Variants in NME8 observed in about 807,000 individuals in gnomAD.
NME8 encodes the protein protein NME8.
A neutral mutation model predicts 82.3 loss-of-function variants in NME8; 72 were observed. The observed-to-expected ratio is 0.87, with a 90% CI of 0.72 to 1.06. The LOEUF (loss-of-function observed/expected upper bound fraction) is 1.06. Ranked by LOEUF, NME8 falls within the 50% of genes least tolerant of loss-of-function variation. NME8 has a pLI of 0.00. For synonymous variants in NME8, 267 were observed against 228.5 expected (o/e 1.17, Z -1.52); for missense variants, 712 against 685.4 (o/e 1.04, Z -0.43).
chr7:37,882,551 GAA>G (rs1468494575), intron 12 of NME8, among the ~76,000 whole-genome samples: 3 of 43,802 alleles, frequency 6.8e-5, no homozygotes, highest in Non-Finnish European at 1.4e-4. Flanking sequence ...GGAAGGGAAA[GAA>G]AGAAAGAAAG....
chr7:37,849,376 TA>T (rs950172778), intron 2 of NME8, among the ~76,000 whole-genome samples: 1 of 152,038 alleles, frequency 6.6e-6, no homozygotes, highest in Non-Finnish European at 1.5e-5. Context: ...ACAAAACCTT[TA>T]AAAAAACCAG....
intron 13 of NME8, 55 bp from the exon 14 acceptor site, chr7:37,885,090 A>C: frequency 9.5e-7 from 1 of 1,054,436 alleles, no homozygotes; most frequent in Non-Finnish European, 1.5e-6. Flanking sequence ...CCTATACATA[A>C]TTAGCTACTG....
In NME8 at chr7:37,885,168, T is replaced by C; in HGVS notation, c.1163T>C (p.Leu388Ser). The stretch of plus-strand genomic sequence containing the variant: ...AGTGGTCCATCTCTAGCCCTTGTTT[T>C]ATTGAGAGACAATGGCTTGCAATAC... ...MTSGPSLALV[L>S]LRDNGLQYWK... Residue 388 changes from leucine to serine, a missense_variant, in exon 14 of 18, where the codon TTA becomes TCA. Physicochemically the swap from Leu to Ser is moderately radical, Grantham distance 145. Coordinates refer to ENST00000199447, the MANE Select transcript of NME8 (RefSeq NM_016616.5). The C allele has an allele frequency of 6.2e-7, 1 of 1,612,578 alleles. No individual in the cohort carries two copies. Among genetic ancestry groups the C allele is most frequent in the Non-Finnish European group, 8.5e-7 (1 of 1,178,696 alleles).
intron 12 of NME8, among the ~76,000 whole-genome samples, chr7:37,878,739 T>C (rs77376998): frequency 0.016 from 2,486 of 152,308 alleles, 69 homozygotes; most frequent in African/African-American, 0.057. Flanking sequence ...ATTAAACCAT[T>C]GTAGACTTCG....
intron 5 of NME8, among the ~76,000 whole-genome samples, chr7:37,851,695 G>T (rs1784440952): frequency 1.3e-5 from 2 of 151,886 alleles, no homozygotes; most frequent in African/African-American, 4.8e-5. Context: ...CCCTACTGGA[G>T]AATTTATATG....
intron 11 of NME8, among the ~76,000 whole-genome samples, chr7:37,875,316 A>C (rs1425707351): frequency 6.6e-6 from 1 of 152,246 alleles, no homozygotes; most frequent in Admixed American, 6.5e-5. Context: ...TGAGGTAATA[A>C]TTTTGTATTA....
intron 1 of NME8, 26 bp from the exon 2 acceptor site, chr7:37,848,798 A>G (rs971680816): frequency 2.0e-5 from 3 of 152,286 alleles, no homozygotes; most frequent in Middle Eastern, 3.2e-3. Context: ...GGTTGGACAA[A>G]ACATTGCCCC....
chr7:37,855,951 C>A (rs573239834), intron 5 of NME8, among the ~76,000 whole-genome samples: 1 of 152,170 alleles, frequency 6.6e-6, no homozygotes, highest in African/African-American at 2.4e-5. Context: ...AAAAAAAACC[C>A]AATTACTCTT....
chr7:37,896,833 A>T (rs1392348561), intron 16 of NME8, 37 bp from the exon 17 acceptor site: 20 of 1,570,406 alleles, frequency 1.3e-5, no homozygotes, highest in Non-Finnish European at 1.8e-5. Context: ...AACAGTTTTC[A>T]GTAGGCTGGG....
intron 5 of NME8, among the ~76,000 whole-genome samples, chr7:37,851,690 C>T (rs1784440840): frequency 6.6e-6 from 1 of 151,824 alleles, no homozygotes; most frequent in Admixed American, 6.6e-5. Flanking sequence ...AATGTCCCTA[C>T]TGGAGAATTT....
chr7:37,852,671 T>A (rs918095649), intron 5 of NME8, among the ~76,000 whole-genome samples: 9 of 152,214 alleles, frequency 5.9e-5, no homozygotes, highest in African/African-American at 2.2e-4. Flanking sequence ...GATAGCTCAT[T>A]TCTTTTTAGT....
intron 11 of NME8, among the ~76,000 whole-genome samples, chr7:37,870,285 T>C (rs991842376): frequency 2.0e-5 from 3 of 151,282 alleles, no homozygotes; most frequent in African/African-American, 7.3e-5. Flanking sequence ...TATATCATAA[T>C]GTTTTTAAAA....
At chr7:37,894,659 C>A in intron 16 of NME8, 49 bp downstream of exon 16, 1 of 1,486,418 alleles carries the variant, frequency 6.7e-7, no homozygotes, top group Non-Finnish European at 9.2e-7. Context: ...GGTAAATGTT[C>A]ATTATAGAAA....
intron 5 of NME8, among the ~76,000 whole-genome samples, chr7:37,854,109 T>A (rs1784476358): frequency 6.6e-6 from 1 of 151,882 alleles, no homozygotes; most frequent in Non-Finnish European, 1.5e-5. Context: ...GCTTAACTAC[T>A]AATAACCTAC....
chr7:37,886,871 A>AC (rs1477651512), intron 14 of NME8, among the ~76,000 whole-genome samples: 2 of 151,788 alleles, frequency 1.3e-5, no homozygotes, highest in Non-Finnish European at 2.9e-5. Flanking sequence ...GCAAAAAAAA[A>AC]ACAAAAACAA....
chr7:37,854,819 G>A (rs1051240598), intron 5 of NME8, among the ~76,000 whole-genome samples: 7 of 151,938 alleles, frequency 4.6e-5, no homozygotes, highest in Non-Finnish European at 8.8e-5. Flanking sequence ...CCACCTTTTT[G>A]CCACATACAC....
intron 6 of NME8, among the ~76,000 whole-genome samples, chr7:37,858,454 C>T (rs774975541): frequency 4.6e-5 from 7 of 152,030 alleles, no homozygotes; most frequent in Middle Eastern, 3.2e-3. Flanking sequence ...GGTCAGCTAA[C>T]GTTGTTTTTG....
chr7:37,894,577 A>T lies in NME8; in HGVS notation c.1511A>T (p.Asp504Val). 1.9e-6 allele frequency: 3 copies of T among 1,598,186 alleles called. No homozygotes were observed. Among genetic ancestry groups the T allele is most frequent in the Non-Finnish European group, 2.6e-6 (3 of 1,165,904 alleles). The change falls in exon 16 of 18, where the codon GAC becomes GTC. Residue 504 changes from aspartate (D) to valine (V), a missense_variant. Coordinates refer to ENST00000199447, the MANE Select transcript of NME8 (RefSeq NM_016616.5). ...EKIYPKVTGK[D>V]FYKDLLEMLS... ...ATTTATCCAAAAGTAACAGGAAAAG[A>T]CTTTTATAAAGATTTATTGGAAATG...
intron 12 of NME8, among the ~76,000 whole-genome samples, chr7:37,883,670 C>T (rs1000144526): frequency 1.3e-5 from 2 of 152,140 alleles, no homozygotes; most frequent in African/African-American, 4.8e-5. Flanking sequence ...CAGAGGTTCT[C>T]CCCGAGTGCC....
Sources: allele counts gnomAD v4.1 joint callset (sites outside exome capture counted in the v4.1 genomes callset), GRCh38; gene constraint gnomAD v4.1.1; transcripts MANE v1.5; gene names NCBI Gene and HGNC (gene_info 2026-07-23, HGNC 2026-07-21).